Variants in GALNTL6 observed in about 807,000 individuals in gnomAD.
GALNTL6 encodes the protein polypeptide N-acetylgalactosaminyltransferase-like 6.
A neutral mutation model predicts 73.7 loss-of-function variants in GALNTL6; 46 were observed. The observed-to-expected ratio is 0.62, with a 90% confidence interval of 0.49 to 0.80. The LOEUF is 0.80. Ranked by LOEUF, GALNTL6 falls within the 30% of genes least tolerant of loss-of-function variation. GALNTL6 has a pLI of 0.00. For missense variants in GALNTL6, 604 were observed against 755.0 expected (o/e 0.80, Z 2.34); for synonymous variants, 259 against 263.7 (o/e 0.98, Z 0.17).
At chr4:171,992,681 A>C (rs989298945) in intron 2 of GALNTL6, among the ~76,000 whole-genome samples, 3 of 152,086 alleles carry the variant, frequency 2.0e-5, no homozygotes, top group African/African-American at 7.2e-5. Flanking sequence ...TGCAGTAAAC[A>C]AGTTTCCTAA....
chr4:172,713,095 C>T (rs1292749800), intron 5 of GALNTL6, among the ~76,000 whole-genome samples: 1 of 152,082 alleles, frequency 6.6e-6, no homozygotes, highest in African/African-American at 2.4e-5. Flanking sequence ...GTTGTTATGA[C>T]ATAAATGCAT....
chr4:172,551,188 T>G (rs936373540), intron 5 of GALNTL6, among the ~76,000 whole-genome samples: 1 of 152,210 alleles, frequency 6.6e-6, no homozygotes, highest in Non-Finnish European at 1.5e-5. Context: ...TTTCCTTACT[T>G]TGGATTATAA....
chr4:172,534,752 G>A (rs1390745146), intron 5 of GALNTL6, among the ~76,000 whole-genome samples: 1 of 152,044 alleles, frequency 6.6e-6, no homozygotes, highest in Non-Finnish European at 1.5e-5. Context: ...AGTTTTAGTA[G>A]AAACAGGGTT....
intron 5 of GALNTL6, among the ~76,000 whole-genome samples, chr4:172,789,517 T>C (rs1349889033): frequency 6.6e-6 from 1 of 152,112 alleles, no homozygotes; most frequent in East Asian, 1.9e-4. Flanking sequence ...ATCCAAAAAA[T>C]TGGACACCCC....
At chr4:172,693,389 A>C (rs1733439146) in intron 5 of GALNTL6, among the ~76,000 whole-genome samples, 1 of 152,208 alleles carries the variant, frequency 6.6e-6, no homozygotes, top group East Asian at 1.9e-4. Context: ...TGCCCCAGCC[A>C]CTGGCTTTGT....
intron 7 of GALNTL6, among the ~76,000 whole-genome samples, chr4:172,855,402 C>T (rs978481219): frequency 1.3e-5 from 2 of 151,998 alleles, no homozygotes; most frequent in Non-Finnish European, 2.9e-5. Context: ...CATGATGAAA[C>T]TCAATTAATT....
chr4:171,903,018 T>C (rs1737147530), intron 2 of GALNTL6, among the ~76,000 whole-genome samples: 1 of 152,084 alleles, frequency 6.6e-6, no homozygotes, highest in Admixed American at 6.5e-5. Context: ...ATTCATGCAG[T>C]CAAAGACGAA....
At chr4:172,226,724 T>C (rs1277152400) in intron 2 of GALNTL6, among the ~76,000 whole-genome samples, 1 of 152,068 alleles carries the variant, frequency 6.6e-6, no homozygotes, top group East Asian at 1.9e-4. Flanking sequence ...TCTGCAATGT[T>C]GTATCTTTTT....
intron 8 of GALNTL6, among the ~76,000 whole-genome samples, chr4:172,902,667 C>T (rs1255992836): frequency 6.6e-6 from 1 of 152,208 alleles, no homozygotes; most frequent in Non-Finnish European, 1.5e-5. Flanking sequence ...GGGAGCCCTA[C>T]AGCCTCTTGC....
chr4:172,441,134 C>A (rs1341627588), intron 5 of GALNTL6, among the ~76,000 whole-genome samples: 1 of 151,996 alleles, frequency 6.6e-6, no homozygotes, highest in Non-Finnish European at 1.5e-5. Flanking sequence ...TGTTTTTGCT[C>A]CAGCTGGCTA....
intron 2 of GALNTL6, among the ~76,000 whole-genome samples, chr4:171,922,796 G>C (rs1737833372): frequency 1.3e-5 from 2 of 151,798 alleles, no homozygotes; most frequent in Admixed American, 1.3e-4. Context: ...TTTATTAACT[G>C]CTGATTACAT....
chr4:172,429,513 T>C (rs1731362826), intron 5 of GALNTL6, among the ~76,000 whole-genome samples: 1 of 152,090 alleles, frequency 6.6e-6, no homozygotes, highest in Non-Finnish European at 1.5e-5. Flanking sequence ...ATCCTCACCT[T>C]AAGAGTCAAA....
chr4:172,178,585 C>A (rs1490157033), intron 2 of GALNTL6, among the ~76,000 whole-genome samples: 1 of 151,676 alleles, frequency 6.6e-6, no homozygotes, highest in African/African-American at 2.4e-5. Context: ...CAAGACCCTG[C>A]AAAGGACATG....
intron 2 of GALNTL6, among the ~76,000 whole-genome samples, chr4:171,965,951 T>C (rs1396428173): frequency 1.3e-5 from 2 of 152,208 alleles, no homozygotes; most frequent in Non-Finnish European, 2.9e-5. Context: ...TTTTTCTTAT[T>C]GGTCAGAACT....
intron 2 of GALNTL6, among the ~76,000 whole-genome samples, chr4:171,900,921 A>G (rs1416935353): frequency 6.6e-6 from 1 of 152,140 alleles, no homozygotes; most frequent in African/African-American, 2.4e-5. Flanking sequence ...TTGATTAAGG[A>G]GGCAATGGAA....
At chr4:171,877,794 T>C (rs932239325) in intron 2 of GALNTL6, among the ~76,000 whole-genome samples, 2 of 152,204 alleles carry the variant, frequency 1.3e-5, no homozygotes, top group Non-Finnish European at 2.9e-5. Context: ...GAACTAATTT[T>C]AAATGATAAC....
intron 4 of GALNTL6, among the ~76,000 whole-genome samples, chr4:172,343,063 T>C (rs1741626364): frequency 6.6e-6 from 1 of 152,218 alleles, no homozygotes; most frequent in Non-Finnish European, 1.5e-5. Context: ...GGAATAGTTA[T>C]TATTTTAAGT....
intron 5 of GALNTL6, among the ~76,000 whole-genome samples, chr4:172,474,843 C>G (rs779376122): frequency 2.0e-5 from 3 of 152,124 alleles, no homozygotes; most frequent in African/African-American, 2.4e-5. Context: ...TATTTTTGCA[C>G]TGTATTCCTT....
intron 5 of GALNTL6, among the ~76,000 whole-genome samples, chr4:172,658,005 C>G (rs933398723): frequency 1.4e-5 from 2 of 147,214 alleles, no homozygotes; most frequent in Non-Finnish European, 3.0e-5. Context: ...AAAAAATTAG[C>G]CGGGCGTAGT....
Sources: gnomAD v4.1 joint callset for allele counts (sites outside exome capture counted in the v4.1 genomes callset) on GRCh38, gnomAD v4.1.1 for gene constraint, MANE v1.5 for transcripts, NCBI Gene and HGNC (gene_info 2026-07-23, HGNC 2026-07-21) for gene names.